Variants in CACNA1D observed in about 807,000 individuals in gnomAD.
CACNA1D encodes the protein calcium voltage-gated channel subunit alpha1 D, also known as voltage-dependent L-type calcium channel subunit alpha-1D.
A neutral mutation model predicts 257.1 loss-of-function variants in CACNA1D; 55 were observed. The observed-to-expected ratio is 0.21, with a 90% CI of 0.17 to 0.27. The LOEUF (loss-of-function observed/expected upper bound fraction) is 0.27. Among genes scored for constraint, CACNA1D ranks in the 10% least tolerant of loss-of-function variants. The probability of loss-of-function intolerance (pLI) is 1.00; values close to 1 mark genes in which losing one functional copy is unlikely to be tolerated. For synonymous variants in CACNA1D, 980 were observed against 1,014.9 expected (o/e 0.97, Z 0.65); for missense variants, 1,876 against 2,784.0 (o/e 0.67, Z 7.34).
rs148296006 is a variant in CACNA1D at position 53,705,764 on chromosome 3, A to G, written c.1390+2954A>G. ...AGTCTCCTCCTCCTCTGAGGAGAGA[A>G]CCTCTCTGATCACAGACCTCAGCAG... On this transcript the variant is annotated intron_variant, in intron 9 of 47. Transcript: ENST00000350061. 1.3e-3 allele frequency among the ~76,000 whole-genome samples: 201 copies of G among 152,224 alleles called. 1 individual carries two copies. Among genetic ancestry groups the G allele is most frequent in the Non-Finnish European group, 2.3e-3 (157 of 68,000 alleles).
intron 43 of CACNA1D, 117 bp downstream of exon 43, chr3:53,802,290 A>G: frequency 3.3e-6 from 3 of 900,104 alleles, no homozygotes; most frequent in Non-Finnish European, 5.7e-6. Flanking sequence ...AAAGGTTATC[A>G]TAATTCATGG....
intron 3 of CACNA1D, among the ~76,000 whole-genome samples, chr3:53,624,164 G>A (rs1220533434): frequency 6.6e-6 from 1 of 152,224 alleles, no homozygotes; most frequent in African/African-American, 2.4e-5. Context: ...GAGCCTTTGA[G>A]TGGGGAGGGG....
chr3:53,719,966 A>C (rs1358444673), intron 11 of CACNA1D, among the ~76,000 whole-genome samples, 185 bp downstream of exon 11: 2 of 152,198 alleles, frequency 1.3e-5, no homozygotes. Flanking sequence ...TAGGTGCCAA[A>C]GATCTCCCTC....
At chr3:53,496,501 C>T (rs2090354884) in intron 1 of CACNA1D, among the ~76,000 whole-genome samples, 1 of 152,206 alleles carries the variant, frequency 6.6e-6, no homozygotes, top group Non-Finnish European at 1.5e-5. Context: ...TTTCTGTTTT[C>T]GGAAGCCTGT....
At chr3:53,574,399 C>T (rs961011201) in intron 3 of CACNA1D, among the ~76,000 whole-genome samples, 2 of 152,178 alleles carry the variant, frequency 1.3e-5, no homozygotes, top group Non-Finnish European at 2.9e-5. Flanking sequence ...ATCAGCACCT[C>T]GTCAGGTGAG....
At chr3:53,715,819 A>G (rs1376415919) in intron 9 of CACNA1D, among the ~76,000 whole-genome samples, 3 of 152,168 alleles carry the variant, frequency 2.0e-5, no homozygotes, top group African/African-American at 7.2e-5. Context: ...CTGTGAGACT[A>G]TCTTCCCCTC....
intron 21 of CACNA1D, among the ~76,000 whole-genome samples, chr3:53,741,998 G>T (rs576953180): frequency 3.2e-4 from 48 of 152,258 alleles, no homozygotes; most frequent in African/African-American, 1.1e-3. Context: ...TCATTTTGAA[G>T]GTATTTTAGA....
In CACNA1D at chr3:53,538,596, C is replaced by T. The variant is rs11719824; in HGVS notation, c.483+36876C>T. The stretch of plus-strand genomic sequence containing the variant: ...CTGAAGTTACTGACCCTCAGATCAT[C>T]CCCCTTGTGGTAGTGTGAACCTTCT... On this transcript the variant is annotated intron_variant, in intron 3 of 47. Coordinates refer to ENST00000350061, the MANE Select transcript of CACNA1D (RefSeq NM_001128840.3). 5.9e-3 allele frequency among the ~76,000 whole-genome samples: 899 copies of T among 152,308 alleles called. 4 individuals carry two copies. The highest frequency in any genetic ancestry group is 9.5e-3 in the Non-Finnish European group (647 of 68,024).
rs2108877306 is a variant in CACNA1D, at chr3:53,751,305, C to G, written c.3517-444C>G. 6.6e-6 allele frequency among the ~76,000 whole-genome samples: 1 copy of G among 152,338 alleles called. No individual in the cohort carries two copies. Among genetic ancestry groups the G allele is most frequent in the East Asian group, 1.9e-4 (1 of 5,188 alleles). Reference sequence around the variant, plus strand: ...GTGAGTTTCTGTGGTTACTTGGCCTCCTTTCCTGGAGGACAGCACAGGCAG... The same window carrying G: ...GTGAGTTTCTGTGGTTACTTGGCCTGCTTTCCTGGAGGACAGCACAGGCAG... On this transcript the variant is annotated intron_variant, in intron 27 of 47. Coordinates refer to ENST00000350061, the MANE Select transcript of CACNA1D (RefSeq NM_001128840.3). This position sits in a 1 kb window ranked among gnomAD's most constrained non-coding sequence, Gnocchi z 4.3.
intron 14 of CACNA1D, among the ~76,000 whole-genome samples, chr3:53,725,330 C>T (rs899548978): frequency 1.1e-4 from 16 of 152,084 alleles, no homozygotes; most frequent in South Asian, 4.1e-4. Flanking sequence ...GTAGATGTGC[C>T]GTTGTTCATA....
intron 39 of CACNA1D, chr3:53,782,249 TG>T (rs2095429102): frequency 1.9e-5 from 1 of 53,044 alleles, no homozygotes; most frequent in African/African-American, 7.3e-5. Context: ...AGTGTGTGTG[TG>T]TGTGTGTGTG....
At chr3:53,681,980 G>C (rs1041799217) in intron 8 of CACNA1D, among the ~76,000 whole-genome samples, 3 of 152,138 alleles carry the variant, frequency 2.0e-5, no homozygotes, top group Non-Finnish European at 4.4e-5. Flanking sequence ...GAGAGCTGGA[G>C]ATGAAGTCAG....
At chr3:53,707,553 T>C (rs1367409900) in intron 9 of CACNA1D, among the ~76,000 whole-genome samples, 1 of 152,230 alleles carries the variant, frequency 6.6e-6, no homozygotes, top group Non-Finnish European at 1.5e-5. Context: ...GTTACACAAT[T>C]AACTGAATGG....
intron 3 of CACNA1D, among the ~76,000 whole-genome samples, chr3:53,577,184 C>T (rs2093052318): frequency 6.6e-6 from 1 of 152,172 alleles, no homozygotes; most frequent in African/African-American, 2.4e-5. Context: ...TTGGCTTCCT[C>T]ATCTGCGAGG....
chr3:53,596,943 G>A (rs2093378376), intron 3 of CACNA1D, among the ~76,000 whole-genome samples: 1 of 152,182 alleles, frequency 6.6e-6, no homozygotes, highest in African/African-American at 2.4e-5. Context: ...CTGCCTGAAG[G>A]CTGAGAACTG....
At position 53,673,894 on chromosome 3, in the gene CACNA1D, T is replaced by A; in HGVS notation, c.1220+768T>A. Reference sequence around the variant, plus strand: ...CTCTGCGTGTCTCCTAGCTGCTCCCTGACAGCTTCTCTGCATGTGTTTGGA... The same window carrying A: ...CTCTGCGTGTCTCCTAGCTGCTCCCAGACAGCTTCTCTGCATGTGTTTGGA... On this transcript the variant is annotated intron_variant, in intron 8 of 47. Coordinates refer to ENST00000350061, the MANE Select transcript of CACNA1D (RefSeq NM_001128840.3). The surrounding 1 kb of genome is among the most constrained non-coding windows in gnomAD (Gnocchi z 4.1). 1.1e-6 allele frequency: 1 copy of A among 875,046 alleles called. No individual in the cohort carries two copies. The highest frequency in any genetic ancestry group is 2.0e-6 in the Non-Finnish European group (1 of 506,458). 54.2% of individuals were successfully genotyped at this position (875,046 alleles called of 1,614,324 possible). A position where few individuals can be genotyped will look rare whatever the true frequency, so the allele number is the denominator to read the frequency against.
intron 3 of CACNA1D, among the ~76,000 whole-genome samples, chr3:53,578,479 T>C (rs1450478748): frequency 6.6e-6 from 1 of 152,198 alleles, no homozygotes; most frequent in Non-Finnish European, 1.5e-5. Flanking sequence ...CATCAAGTCA[T>C]GGGTGCCCAG....
At chr3:53,806,315 C>T (rs1196262134) in intron 45 of CACNA1D, among the ~76,000 whole-genome samples, 7 of 152,016 alleles carry the variant, frequency 4.6e-5, no homozygotes. Context: ...GCTCACGGGG[C>T]AGGTTCTGGA....
At position 53,809,840 on chromosome 3, in the gene CACNA1D, G is replaced by A. The variant is rs1420983385; in HGVS notation, c.5872-138G>A. On this transcript the variant is annotated intron_variant, in intron 46 of 47. Coordinates refer to ENST00000350061, the MANE Select transcript of CACNA1D (RefSeq NM_001128840.3). ...CCGCCCATTCATTCAGCGTACTTCA[G>A]TGTGCCCATGTCCTTTCCAAGTCCT... The A allele has an allele frequency of 6.4e-6, 5 of 783,036 alleles. No individual in the cohort carries two copies. In the African/African-American group the frequency reaches 8.5e-5, roughly 13 times the overall value. 48.5% of individuals were successfully genotyped at this position (783,036 alleles called of 1,614,324 possible).
Sources: allele counts gnomAD v4.1 joint callset (sites outside exome capture counted in the v4.1 genomes callset), GRCh38; gene constraint gnomAD v4.1.1; non-coding constraint Gnocchi (gnomAD v3.1); transcripts MANE v1.5; gene names NCBI Gene and HGNC (gene_info 2026-07-23, HGNC 2026-07-21).